Variants in KCNIP4 observed in about 807,000 individuals in gnomAD.
The protein encoded by KCNIP4 is potassium voltage-gated channel interacting protein 4.
Under a neutral mutation model 34.0 loss-of-function variants are expected in KCNIP4, and 12 were observed. That is an observed-to-expected ratio of 0.35 (90% CI 0.23 to 0.57). KCNIP4 has a LOEUF of 0.57. KCNIP4 is among the 20% of genes least tolerant of loss of function. The probability of loss-of-function intolerance (pLI) is 0.83; values close to 1 mark genes in which losing one functional copy is unlikely to be tolerated. For missense variants in KCNIP4, 238 were observed against 311.7 expected (o/e 0.76, Z 1.78); for synonymous variants, 124 against 102.2 (o/e 1.21, Z -1.29).
intron 1 of KCNIP4, among the ~76,000 whole-genome samples, chr4:21,633,680 C>T (rs1018568077): frequency 6.6e-6 from 1 of 152,044 alleles, no homozygotes; most frequent in Non-Finnish European, 1.5e-5. Flanking sequence ...CCTATTGACA[C>T]TTTCAAAAAT....
intron 1 of KCNIP4, among the ~76,000 whole-genome samples, chr4:21,362,972 A>G (rs1348734908): frequency 6.6e-6 from 1 of 152,138 alleles, no homozygotes; most frequent in African/African-American, 2.4e-5. Flanking sequence ...TATTATAGTT[A>G]ATAACGATGG....
intron 1 of KCNIP4, among the ~76,000 whole-genome samples, chr4:21,190,446 C>A (rs111398810): frequency 0.012 from 1,708 of 137,812 alleles, 17 homozygotes; most frequent in Non-Finnish European, 0.018. Flanking sequence ...CTGTGTGTGC[C>A]ACACCTCCCT....
chr4:21,203,413 A>AT (rs11392336), intron 1 of KCNIP4, among the ~76,000 whole-genome samples: 67,566 of 152,098 alleles, frequency 0.44, 17,336 homozygotes, highest in African/African-American at 0.72. Flanking sequence ...AGTTTTTAAA[A>AT]GATTTTTCCT....
intron 1 of KCNIP4, among the ~76,000 whole-genome samples, chr4:21,543,077 T>C (rs892329736): frequency 6.6e-6 from 1 of 151,858 alleles, no homozygotes; most frequent in Non-Finnish European, 1.5e-5. Context: ...TTGACAACAA[T>C]CCTAAAAATG....
At chr4:21,678,473 T>C (rs1370739666) in intron 1 of KCNIP4, among the ~76,000 whole-genome samples, 2 of 152,182 alleles carry the variant, frequency 1.3e-5, no homozygotes, top group African/African-American at 4.8e-5. Context: ...AATGCTGCAG[T>C]GGTTCCCCAT....
intron 1 of KCNIP4, among the ~76,000 whole-genome samples, chr4:21,679,033 T>G (rs1466643932): frequency 6.6e-6 from 1 of 152,010 alleles, no homozygotes; most frequent in Non-Finnish European, 1.5e-5. Flanking sequence ...CATGAAGACA[T>G]AGTGACAAGG....
intron 1 of KCNIP4, among the ~76,000 whole-genome samples, chr4:21,774,164 G>T (rs140144586): frequency 2.0e-5 from 3 of 152,028 alleles, no homozygotes; most frequent in African/African-American, 7.3e-5. Flanking sequence ...TTGCTTGTCT[G>T]GAAAGGATTT....
intron 1 of KCNIP4, among the ~76,000 whole-genome samples, chr4:21,804,771 C>T (rs1721197205): frequency 6.6e-6 from 1 of 152,044 alleles, no homozygotes; most frequent in Non-Finnish European, 1.5e-5. Context: ...TTAATGAAAA[C>T]TTTATTATCT....
chr4:21,557,659 G>A (rs1343346902), intron 1 of KCNIP4, among the ~76,000 whole-genome samples: 1 of 106,810 alleles, frequency 9.4e-6, no homozygotes, highest in Non-Finnish European at 2.1e-5. Context: ...TCTACTCTCT[G>A]GCCCATGGTA....
At chr4:21,799,764 A>T (rs1451531145) in intron 1 of KCNIP4, among the ~76,000 whole-genome samples, 1 of 152,198 alleles carries the variant, frequency 6.6e-6, no homozygotes, top group Non-Finnish European at 1.5e-5. Flanking sequence ...TTAACAAATA[A>T]GTTCCTTCCC....
chr4:20,786,847 C>CTTCCT (rs1712065665), intron 3 of KCNIP4, among the ~76,000 whole-genome samples: 1 of 151,156 alleles, frequency 6.6e-6, no homozygotes, highest in Non-Finnish European at 1.5e-5. Context: ...AGTTCTTTAT[C>CTTCCT]TTTATCAATG....
intron 1 of KCNIP4, among the ~76,000 whole-genome samples, chr4:21,659,246 A>G (rs955330170): frequency 9.2e-5 from 14 of 152,198 alleles, no homozygotes; most frequent in African/African-American, 3.4e-4. Context: ...GATTAGATCT[A>G]GTGAAGTTAA....
At chr4:21,795,274 T>C (rs1720548587) in intron 1 of KCNIP4, among the ~76,000 whole-genome samples, 1 of 152,100 alleles carries the variant, frequency 6.6e-6, no homozygotes, top group African/African-American at 2.4e-5. Flanking sequence ...AGGAGCGTAG[T>C]CAAAAAGCAA....
At chr4:21,400,574 TCTTC>T (rs879937787) in intron 1 of KCNIP4, among the ~76,000 whole-genome samples, 2,837 of 96,774 alleles carry the variant, frequency 0.029, 61 homozygotes, top group Non-Finnish European at 0.045. Flanking sequence ...TCTTCTCTTC[TCTTC>T]GTTCTTTCTT....
At chr4:21,640,348 A>G (rs1423134577) in intron 1 of KCNIP4, among the ~76,000 whole-genome samples, 1 of 152,170 alleles carries the variant, frequency 6.6e-6, no homozygotes, top group Admixed American at 6.6e-5. Context: ...CCGGCAGACA[A>G]AAGCAATCAC....
In KCNIP4 at chr4:21,677,978, C is replaced by G. The variant is rs1438087147; in HGVS notation, c.61+270593G>C. ...TGTTGACCAGCCTGGTCTTGAACTC[C>G]TGACCTCAGGTGATCTGCCTGCCTC... On this transcript the variant is annotated intron_variant, in intron 1 of 8. Transcript: ENST00000382152. Among the ~76,000 whole-genome samples the G allele has an allele frequency of 2.0e-5, 3 of 152,282 alleles. No homozygotes were observed. In the East Asian group the frequency reaches 5.8e-4, roughly 29 times the overall value.
chr4:20,761,973 C>T (rs936741700), intron 3 of KCNIP4, among the ~76,000 whole-genome samples: 2 of 152,094 alleles, frequency 1.3e-5, no homozygotes, highest in Non-Finnish European at 2.9e-5. Flanking sequence ...TACAATAAAC[C>T]AGTCAAAGGT....
intron 3 of KCNIP4, among the ~76,000 whole-genome samples, chr4:20,832,617 A>G (rs2149460055): frequency 6.6e-6 from 1 of 151,110 alleles, no homozygotes; most frequent in African/African-American, 2.4e-5. Context: ...ATTAAAAATG[A>G]AAATAGAAAT....
At chr4:21,539,543 C>T (rs1193661211) in intron 1 of KCNIP4, among the ~76,000 whole-genome samples, 2 of 151,990 alleles carry the variant, frequency 1.3e-5, no homozygotes, top group African/African-American at 4.8e-5. Flanking sequence ...TCCATAATGC[C>T]CAATGACTTT....
Sources: allele counts gnomAD v4.1 joint callset (sites outside exome capture counted in the v4.1 genomes callset), GRCh38; gene constraint gnomAD v4.1.1; transcripts MANE v1.5; gene names NCBI Gene and HGNC (gene_info 2026-07-23, HGNC 2026-07-21).